MUC6: variants seen among roughly 807,000 people sequenced by gnomAD.
The protein encoded by MUC6 is mucin 6, oligomeric mucus/gel-forming (gene/pseudogene).
Under a neutral mutation model 201.5 loss-of-function variants are expected in MUC6, and 188 were observed. That is an observed-to-expected ratio of 0.93 (90% CI 0.83 to 1.05). The LOEUF is 1.05. MUC6 is among the 50% of genes least tolerant of loss of function. The probability of loss-of-function intolerance (pLI) is 0.00; values close to 1 mark genes in which losing one functional copy is unlikely to be tolerated. For missense variants in MUC6, 2,706 were observed against 3,256.9 expected (o/e 0.83, Z 4.12); for synonymous variants, 1,228 against 1,389.4 (o/e 0.88, Z 2.58).
rs1227439886 is a variant in MUC6, at chr11:1,030,721, C to A, written c.744G>T (p.Glu248Asp). Residue 248 changes from glutamate to aspartate, a missense_variant, in exon 7 of 33, where the codon GAG (glutamate) becomes GAT (aspartate). Around this residue, in one of 10 missense-constraint regions of MUC6, gnomAD observed 1,850 missense variants for 1,958.3 expected, o/e 0.94. Transcript: ENST00000421673. ...CCGCCTGGCAGCTTAGCACGAAGGG[C>A]TCCTTGGACACGCTGCACTCAGGGG... ...LVAPECSVSK[E>D]PFVLSCQADV... The A allele has an allele frequency of 3.2e-6, 5 of 1,545,236 alleles. No individual in the cohort carries two copies. The highest frequency in any genetic ancestry group is 3.9e-5 in the Admixed American group (2 of 51,238).
chr11:1,027,097 G>A, intron 18 of MUC6, 44 bp downstream of exon 18: 3 of 1,610,696 alleles, frequency 1.9e-6, no homozygotes, highest in Non-Finnish European at 2.5e-6. Context: ...AGGAAGCCGG[G>A]GCCCCTCACA....
chr11:1,030,366 T>TGCCCCCCCCCCCCCC, intron 7 of MUC6, 31 bp from the exon 8 acceptor site: 12 of 1,489,546 alleles, frequency 8.1e-6, no homozygotes, highest in Non-Finnish European at 9.1e-6. Flanking sequence ...GGTGAGAGGG[T>TGCCCCCCCCCCCCCC]CCCACCCCCC....
In MUC6 at chr11:1,032,001, G is replaced by A. The variant is rs367623436; in HGVS notation, c.168C>T (p.Phe56=). 5 of 1,613,550 alleles carry A rather than the reference G, an allele frequency of 3.1e-6. No homozygotes were observed. In the South Asian group the frequency reaches 3.3e-5, roughly 11 times the overall value. The change falls in exon 3 of 33, where the codon TTC becomes TTT. Residue 56 remains phenylalanine, a synonymous_variant. Coordinates refer to ENST00000421673, the MANE Select transcript of MUC6 (RefSeq NM_005961.3). ...STWGAGHFST[F]DHHVYDFSGT... The stretch of plus-strand genomic sequence containing the variant: ...CCGAGAAGTCGTACACGTGGTGGTC[G>A]AAGGTGGAGAAGTGACCAGCCCCCC...
Position 1,033,187 on chromosome 11 carries a change from G to T in MUC6, c.53-112C>A. 1 of 1,088,780 alleles carries T rather than the reference G, an allele frequency of 9.2e-7. No homozygotes were observed. The allele number at this position is 1,088,780 out of a possible 1,614,324, so 67.4% of individuals were successfully genotyped here. On this transcript the variant is annotated intron_variant, in intron 1 of 32. Transcript: ENST00000421673. The surrounding 1 kb of genome is among the most constrained non-coding windows in gnomAD (Gnocchi z 5.6). Reference sequence around the variant, plus strand: ...GTTTCCCTGCACACACTCGGCGTGCGAGAAGTGTCCATGGCCCGTGGGGCT... The same window carrying T: ...GTTTCCCTGCACACACTCGGCGTGCTAGAAGTGTCCATGGCCCGTGGGGCT...
At position 1,013,355 on chromosome 11, in the gene MUC6, C is replaced by T. The variant is rs1490784546; in HGVS notation, c.*101G>A. ...GCACTTGGGGGCCAGGCCTGGTGAC[C>T]AGGAAAGCAGCTGCTGGCACAAGCG... On this transcript the variant is annotated 3_prime_UTR_variant, in exon 33 of 33. Transcript: ENST00000421673. The T allele has an allele frequency of 3.1e-6, 4 of 1,308,916 alleles. No homozygotes were observed. In the African/African-American group the frequency reaches 4.5e-5, roughly 15 times the overall value. The allele number at this position is 1,308,916 out of a possible 1,614,324, so 81.1% of individuals were successfully genotyped here.
chr11:1,027,964 C>T lies in MUC6; in HGVS notation c.1848+1G>A. 1.3e-6 allele frequency: 2 copies of T among 1,572,010 alleles called. No homozygotes were observed. The highest frequency in any genetic ancestry group is 1.7e-6 in the Non-Finnish European group (2 of 1,158,998). On this transcript the variant is annotated splice_donor_variant, in intron 15 of 32. Coordinates refer to ENST00000421673, the MANE Select transcript of MUC6 (RefSeq NM_005961.3). LOFTEE classifies it high-confidence loss of function. ...CTCCCAAGACGCCCTCGGGCCCTCA[C>T]CTTGTAGAAGGGTGCAGGGTTCACT...
intron 6 of MUC6, 22 bp from the exon 7 acceptor site, chr11:1,030,802 A>T: frequency 6.5e-7 from 1 of 1,533,686 alleles, no homozygotes; most frequent in Non-Finnish European, 8.7e-7. Context: ...ACTCAGGGTC[A>T]TGGGGGCAAA....
chr11:1,018,856 C>G, intron 30 of MUC6, 86 bp from the exon 31 acceptor site: 1 of 1,481,158 alleles, frequency 6.8e-7, no homozygotes, highest in Admixed American at 2.3e-5. Flanking sequence ...TCTATGTGAC[C>G]TTTTTCTTGC....
chr11:1,016,102 C>A lies in MUC6; in HGVS notation c.6699G>T (p.Val2233=). Residue 2233 remains valine (V), a synonymous_variant, in exon 31 of 33, where the codon GTG becomes GTT. Transcript: ENST00000421673. ...CTAGGTGGCTGGATGGGGTGGGAGA[C>A]ACGGTAACAGTGGATATGGGGAGTA... ...SALLPISTVT[V]SPTPSSHLAS... 2 of 1,612,688 alleles carry A rather than the reference C, an allele frequency of 1.2e-6. No individual in the cohort carries two copies. The highest frequency in any genetic ancestry group is 1.7e-6 in the Non-Finnish European group (2 of 1,179,334).
chr11:1,018,287 G>T lies in MUC6; in HGVS notation c.4514C>A (p.Thr1505Asn). 6.2e-7 allele frequency: 1 copy of T among 1,614,038 alleles called. No individual in the cohort carries two copies. The highest frequency in any genetic ancestry group is 8.5e-7 in the Non-Finnish European group (1 of 1,179,868). ...GTGGGCTTGGCTGGTCCCACTGGTG[G>T]TCGGCGTTATTGGTGGGGCTGTGTG... ...STHTAPPITP[T>N]TSGTSQAHSS... Residue 1505 changes from threonine (T) to asparagine (N), a missense_variant, in exon 31 of 33, where the codon ACC becomes AAC. This residue lies in a region of MUC6 where 128 missense variants were observed against 206.5 expected (regional missense o/e 0.62). Coordinates refer to ENST00000421673, the MANE Select transcript of MUC6 (RefSeq NM_005961.3).
At chr11:1,013,669 G>T in intron 32 of MUC6, 36 bp from the exon 33 acceptor site, 1 of 1,539,082 alleles carries the variant, frequency 6.5e-7, no homozygotes. Flanking sequence ...GGTCATGACT[G>T]CTGCAGGGGC....
intron 26 of MUC6, 122 bp from the exon 27 acceptor site, chr11:1,021,399 C>G: frequency 1.8e-6 from 1 of 542,054 alleles, no homozygotes; most frequent in South Asian, 3.8e-5. Flanking sequence ...GAGACAGAGT[C>G]TCGCTCTGTC....
chr11:1,027,653 G>A (rs1374118093), intron 16 of MUC6, 32 bp downstream of exon 16: 17 of 1,581,078 alleles, frequency 1.1e-5, no homozygotes, highest in Middle Eastern at 1.7e-4. Flanking sequence ...CCAGCCTGCC[G>A]TGACCCCGCT....
chr11:1,035,377 G>A (rs1590057963), intron 1 of MUC6, among the ~76,000 whole-genome samples: 1 of 152,182 alleles, frequency 6.6e-6, no homozygotes, highest in Non-Finnish European at 1.5e-5. Context: ...CCACTTCCTG[G>A]CACTTGTCCC....
In MUC6 at chr11:1,029,100, G is replaced by A. The variant is rs554313226; in HGVS notation, c.1326C>T (p.Ser442=). ...DGALMAVYDK[S]GVSHSETSLV... ...GGGAGGTCTCGGAGTGTGAGACGCCGGACTTGTCGTACACAGCCATGAGGG... is the reference window on the plus strand; with the variant it reads ...GGGAGGTCTCGGAGTGTGAGACGCCAGACTTGTCGTACACAGCCATGAGGG... The change falls in exon 11 of 33, where the codon TCC becomes TCT. Residue 442 remains serine (S), a synonymous_variant. Transcript: ENST00000421673. 2.7e-5 allele frequency: 44 copies of A among 1,612,736 alleles called. No homozygotes were observed. The Admixed American group carries it at 3.8e-4, about 14-fold the overall frequency.
intron 9 of MUC6, 36 bp from the exon 10 acceptor site, chr11:1,029,402 A>G (rs1438805891): frequency 6.3e-7 from 1 of 1,593,764 alleles, no homozygotes; most frequent in Non-Finnish European, 8.5e-7. Flanking sequence ...CATGGTGGGC[A>G]GGGCCGCTGG....
chr11:1,031,365 C>G, intron 4 of MUC6, 106 bp from the exon 5 acceptor site: 2 of 1,222,072 alleles, frequency 1.6e-6, no homozygotes, highest in Non-Finnish European at 2.2e-6. Flanking sequence ...ACCATCCCCC[C>G]ACCTGCTCAT....
chr11:1,022,079 C>G (rs1453283557), intron 26 of MUC6, among the ~76,000 whole-genome samples: 1 of 141,952 alleles, frequency 7.0e-6, no homozygotes, highest in African/African-American at 2.9e-5. Context: ...TCTGCAGCCC[C>G]GCGCCTCTCA....
Position 1,019,359 on chromosome 11 carries a change from C to T in MUC6, c.3946G>A (p.Ala1316Thr), listed in dbSNP as rs2133820453. 2 of 1,613,838 alleles carry T rather than the reference C, an allele frequency of 1.2e-6. No homozygotes were observed. Among genetic ancestry groups the T allele is most frequent in the South Asian group, 2.2e-5 (2 of 91,090 alleles). Reference sequence around the variant, plus strand: ...GTGGACTGAGCTGTGGACGTCGTGGCTGGGCTGGCGGTCGACGCCGTGGCC... The same window carrying T: ...GTGGACTGAGCTGTGGACGTCGTGGTTGGGCTGGCGGTCGACGCCGTGGCC... ...TRATASTASP[A>T]TTSTAQSTTR... is the part of the protein sequence containing the mutation. The change falls in exon 30 of 33, where the codon GCC (alanine) becomes ACC (threonine). Residue 1316 changes from alanine (A) to threonine (T), a missense_variant. Transcript: ENST00000421673.
Sources: allele counts gnomAD v4.1 joint callset (sites outside exome capture counted in the v4.1 genomes callset), GRCh38; gene constraint gnomAD v4.1.1; regional missense constraint gnomAD v4.1.1; non-coding constraint Gnocchi (gnomAD v3.1); transcripts MANE v1.5; gene names NCBI Gene and HGNC (gene_info 2026-07-23, HGNC 2026-07-21).